The following LRRN3 variants were observed in gnomAD, a reference collection of about 807,000 sequenced individuals.
LRRN3 encodes leucine-rich repeat neuronal protein 3.
A neutral mutation model predicts 40.1 loss-of-function variants in LRRN3; 15 were observed. The observed-to-expected ratio is 0.37, with a 90% CI of 0.25 to 0.58. LRRN3 has a LOEUF of 0.58. Among genes scored for constraint, LRRN3 ranks in the 20% least tolerant of loss-of-function variants. The probability of loss-of-function intolerance (pLI) is 0.72; values close to 1 mark genes in which losing one functional copy is unlikely to be tolerated. For synonymous variants in LRRN3, 308 were observed against 297.2 expected (o/e 1.04, Z -0.37); for missense variants, 746 against 837.7 (o/e 0.89, Z 1.35).
chr7:111,121,256 G>C (rs931131454), intron 2 of LRRN3, among the ~76,000 whole-genome samples: 10 of 152,126 alleles, frequency 6.6e-5, no homozygotes, highest in African/African-American at 2.4e-4. Flanking sequence ...CTGGATATTA[G>C]CTGTCTGTCA....
intron 1 of LRRN3, among the ~76,000 whole-genome samples, chr7:111,091,810 G>A (rs553672832): frequency 3.9e-5 from 6 of 151,978 alleles, no homozygotes; most frequent in Non-Finnish European, 8.8e-5. Context: ...CAGAAGAGAA[G>A]GGAACAGTGG....
intron 2 of LRRN3, among the ~76,000 whole-genome samples, chr7:111,118,151 CATT>C (rs1800121416): frequency 6.6e-6 from 1 of 152,094 alleles, no homozygotes; most frequent in Non-Finnish European, 1.5e-5. Flanking sequence ...TACTGTGCAT[CATT>C]GTCCTCAGCT....
At chr7:111,119,201 T>C (rs867506425) in intron 2 of LRRN3, among the ~76,000 whole-genome samples, 3 of 152,302 alleles carry the variant, frequency 2.0e-5, no homozygotes, top group South Asian at 2.1e-4. Flanking sequence ...TATGGAAACA[T>C]ACAGAAATGC....
chr7:111,114,030 A>G (rs1489204129), intron 2 of LRRN3, among the ~76,000 whole-genome samples: 1 of 152,176 alleles, frequency 6.6e-6, no homozygotes, highest in Admixed American at 6.5e-5. Context: ...ATAGAAATAA[A>G]GAGTGGACAA....
intron 2 of LRRN3, among the ~76,000 whole-genome samples, chr7:111,116,687 AAC>A (rs1475039277): frequency 2.6e-5 from 4 of 152,130 alleles, no homozygotes; most frequent in Non-Finnish European, 5.9e-5. Context: ...AGGCCTAGAA[AAC>A]AGTTTTTATT....
intron 1 of LRRN3, among the ~76,000 whole-genome samples, chr7:111,096,373 C>T (rs2129578835): frequency 6.6e-6 from 1 of 151,966 alleles, no homozygotes; most frequent in Admixed American, 6.6e-5. Context: ...TTTTATGGAA[C>T]TTCCACTCTA....
chr7:111,101,473 A>T (rs1381979231), intron 2 of LRRN3, among the ~76,000 whole-genome samples: 4 of 151,580 alleles, frequency 2.6e-5, no homozygotes, highest in Non-Finnish European at 5.9e-5. Flanking sequence ...GCACAAAGTT[A>T]CAGAATTATT....
chr7:111,101,852 A>T (rs1401552694), intron 2 of LRRN3, among the ~76,000 whole-genome samples: 1 of 151,480 alleles, frequency 6.6e-6, no homozygotes, highest in Non-Finnish European at 1.5e-5. Context: ...CTAAAAAGGT[A>T]TACCATCCAC....
At chr7:111,099,279 T>G (rs1210848660) in intron 1 of LRRN3, among the ~76,000 whole-genome samples, 3 of 151,732 alleles carry the variant, frequency 2.0e-5, no homozygotes, top group African/African-American at 4.8e-5. Context: ...TTTTAGACAC[T>G]TTTTTCCCCT....
At chr7:111,107,275 ATAATT>A (rs1416551731) in intron 2 of LRRN3, among the ~76,000 whole-genome samples, 2 of 152,114 alleles carry the variant, frequency 1.3e-5, no homozygotes, top group South Asian at 2.1e-4. Context: ...ATAAAGTCTA[ATAATT>A]TAAATTATAT....
Position 111,123,432 on chromosome 7 carries a change from T to C in LRRN3, c.660T>C (p.Ala220=). The change falls in exon 3 of 3, where the codon GCT becomes GCC. Residue 220 remains alanine (A), a synonymous_variant. Coordinates refer to ENST00000308478, the MANE Select transcript of LRRN3 (RefSeq NM_001099658.2). This position sits in a 1 kb window ranked among gnomAD's most constrained non-coding sequence, Gnocchi z 6.4. The part of the protein sequence containing the change: ...PLINLRSLVI[A]GINLTEIPDN... ...TCAATCTTCGCAGCCTGGTTATAGC[T>C]GGTATAAACCTCACAGAAATACCAG... 1.9e-6 allele frequency: 3 copies of C among 1,613,434 alleles called. No individual in the cohort carries two copies. Among genetic ancestry groups the C allele is most frequent in the Non-Finnish European group, 2.5e-6 (3 of 1,179,812 alleles).
rs766962009 is a variant in LRRN3, at chr7:111,124,201, T to A, written c.1429T>A (p.Ser477Thr). 23 of 1,613,838 alleles carry A rather than the reference T, an allele frequency of 1.4e-5. No individual in the cohort carries two copies. The highest frequency in any genetic ancestry group is 1.9e-5 in the Non-Finnish European group (23 of 1,179,946). The change falls in exon 3 of 3, where the codon TCT (serine) becomes ACT (threonine). Residue 477 changes from serine (S) to threonine (T), a missense_variant. Physicochemically the swap from Ser to Thr is moderately conservative, Grantham distance 58. Coordinates refer to ENST00000308478, the MANE Select transcript of LRRN3 (RefSeq NM_001099658.2). ...CCTGACAGACAAGTTCTATGTCCAT[T>A]CTGAGGGAACACTAGATATAAATGG... ...NTLTDKFYVH[S>T]EGTLDINGVT... is the part of the protein sequence containing the mutation.
At chr7:111,109,260 GT>G (rs888699052) in intron 2 of LRRN3, among the ~76,000 whole-genome samples, 107 of 148,928 alleles carry the variant, frequency 7.2e-4, no homozygotes, top group African/African-American at 2.0e-3. Flanking sequence ...CCATAATTAA[GT>G]TTTTTTTTTC....
intron 1 of LRRN3, among the ~76,000 whole-genome samples, chr7:111,092,048 T>A (rs1340267508): frequency 1.3e-5 from 2 of 152,352 alleles, no homozygotes; most frequent in Non-Finnish European, 2.9e-5. Context: ...AGGCAAATGC[T>A]GTTGTATGTT....
chr7:111,112,383 C>A (rs1799341793), intron 2 of LRRN3, among the ~76,000 whole-genome samples: 2 of 152,198 alleles, frequency 1.3e-5, no homozygotes, highest in African/African-American at 2.4e-5. Context: ...TCACTTCGTA[C>A]TTCAGAGTGC....
chr7:111,099,699 T>G (rs946121511), intron 1 of LRRN3, among the ~76,000 whole-genome samples, 182 bp from the exon 2 acceptor site: 4 of 151,188 alleles, frequency 2.6e-5, no homozygotes, highest in East Asian at 1.9e-4. Context: ...AAAATGAAGT[T>G]TTTTTTTTGA....
At chr7:111,106,793 C>G (rs1386457126) in intron 2 of LRRN3, among the ~76,000 whole-genome samples, 2 of 148,630 alleles carry the variant, frequency 1.3e-5, no homozygotes, top group Non-Finnish European at 3.0e-5. Context: ...TTTAATCATA[C>G]CAAAAAAAAT....
chr7:111,096,394 T>A (rs1232761764), intron 1 of LRRN3, among the ~76,000 whole-genome samples: 1 of 151,824 alleles, frequency 6.6e-6, no homozygotes, highest in Non-Finnish European at 1.5e-5. Flanking sequence ...GATCTTACCC[T>A]TCCAACAACT....
chr7:111,110,371 T>C (rs886622858), intron 2 of LRRN3, among the ~76,000 whole-genome samples: 9 of 152,310 alleles, frequency 5.9e-5, no homozygotes, highest in Middle Eastern at 3.4e-3. Context: ...ATTATGCTTC[T>C]CATATATTTA....
Sources: allele counts gnomAD v4.1 joint callset (sites outside exome capture counted in the v4.1 genomes callset), GRCh38; gene constraint gnomAD v4.1.1; non-coding constraint Gnocchi (gnomAD v3.1); transcripts MANE v1.5; gene names NCBI Gene and HGNC (gene_info 2026-07-23, HGNC 2026-07-21).